TNC: variants seen among roughly 807,000 people sequenced by gnomAD.
TNC encodes tenascin.
A neutral mutation model predicts 202.4 loss-of-function variants in TNC; 109 were observed. The ratio of observed to expected loss-of-function variants is 0.54; its 90% CI spans 0.46 to 0.63. The LOEUF (loss-of-function observed/expected upper bound fraction) is 0.63. TNC is among the 30% of genes least tolerant of loss of function. The pLI, the probability that TNC is intolerant of heterozygous loss-of-function variation, is 0.00. For synonymous variants in TNC, 1,007 were observed against 1,089.7 expected, an observed-to-expected ratio of 0.92 and a Z score of 1.50; for missense variants, 2,756 against 2,833.3, an observed-to-expected ratio of 0.97 and a Z score of 0.62.
intron 27 of TNC, among the ~76,000 whole-genome samples, chr9:115,023,119 TGG>T: frequency 6.6e-6 from 1 of 152,130 alleles, no homozygotes; most frequent in African/African-American, 2.4e-5. Context: ...AAGTGGAATT[TGG>T]CCCTTTGCAT....
intron 2 of TNC, among the ~76,000 whole-genome samples, chr9:115,087,814 G>T (rs1179402650): frequency 2.0e-5 from 3 of 148,804 alleles, no homozygotes; most frequent in South Asian, 2.1e-4. Context: ...CCATTCTCCT[G>T]CCTCAGCCTC....
chr9:115,045,704 CTTT>C (rs925489336), intron 17 of TNC, among the ~76,000 whole-genome samples: 2 of 145,624 alleles, frequency 1.4e-5, no homozygotes, highest in African/African-American at 5.0e-5. Flanking sequence ...TATTAACCAT[CTTT>C]TTTTTTTTTC....
intron 1 of TNC, among the ~76,000 whole-genome samples, chr9:115,109,069 A>G (rs1255824244): frequency 6.6e-6 from 1 of 152,196 alleles, no homozygotes; most frequent in African/African-American, 2.4e-5. Flanking sequence ...TGAGCTGTGC[A>G]TTTCCAAGAA....
At chr9:115,073,951 G>T in intron 9 of TNC, 85 bp from the exon 10 acceptor site, 1 of 1,408,294 alleles carries the variant, frequency 7.1e-7, no homozygotes, top group Non-Finnish European at 9.6e-7. Flanking sequence ...CATCTGGGCT[G>T]GAATCCTAGG....
chr9:115,114,072 T>C (rs1232253644), intron 1 of TNC, among the ~76,000 whole-genome samples: 2 of 152,220 alleles, frequency 1.3e-5, no homozygotes, highest in African/African-American at 2.4e-5. Flanking sequence ...ACCATCTCTG[T>C]CTTTTACATT....
In TNC at chr9:115,021,142, A is replaced by C. The variant is rs1402685396; in HGVS notation, c.*15T>G. On this transcript the variant is annotated 3_prime_UTR_variant, in exon 28 of 28. Coordinates refer to ENST00000350763, the MANE Select transcript of TNC (RefSeq NM_002160.4). Reference sequence around the variant, plus strand: ...TCTGGGCCTTATTCCTCTCTCACCCAGTGGTCCCTGGAATTTATGCCCGTT... The same window carrying C: ...TCTGGGCCTTATTCCTCTCTCACCCCGTGGTCCCTGGAATTTATGCCCGTT... 6.2e-7 allele frequency: 1 copy of C among 1,600,742 alleles called. No homozygotes were observed. The highest frequency in any genetic ancestry group is 8.6e-7 in the Non-Finnish European group (1 of 1,168,258).
At chr9:115,111,151 A>G (rs1382740149) in intron 1 of TNC, among the ~76,000 whole-genome samples, 2 of 152,130 alleles carry the variant, frequency 1.3e-5, no homozygotes, top group African/African-American at 2.4e-5. Flanking sequence ...TGTCATTGAT[A>G]AGAGGTTGCC....
rs35141770 is a variant in TNC at position 115,040,906 on chromosome 9, A to AAC, written c.5392+33_5392+34dup. On this transcript the variant is annotated intron_variant, in intron 19 of 27. Coordinates refer to ENST00000350763, the MANE Select transcript of TNC (RefSeq NM_002160.4). ...GCACAAGTGACCTCTGAAAAATAGT[A>AAC]ACACACACACACACACACAACCCCA... 0.046 allele frequency: 55,676 copies of AAC among 1,207,568 alleles called. 2 individuals carry two copies. Among genetic ancestry groups the AAC allele is most frequent in the South Asian group, 0.051 (3,501 of 69,088 alleles). 74.8% of individuals were successfully genotyped at this position (1,207,568 alleles called of 1,614,324 possible). A position where few individuals can be genotyped will look rare whatever the true frequency, so the allele number is the denominator to read the frequency against.
intron 21 of TNC, chr9:115,035,678 CCT>C (rs753195982): frequency 7.7e-5 from 20 of 260,526 alleles, no homozygotes; most frequent in Admixed American, 2.4e-4. Context: ...GAGGATGGTT[CCT>C]CTGTTTCCCT....
At chr9:115,025,055 G>A (rs12336431) in intron 26 of TNC, among the ~76,000 whole-genome samples, 22,443 of 152,162 alleles carry the variant, frequency 0.15, 1,782 homozygotes, top group Middle Eastern at 0.2. Context: ...TCCTGCAGAA[G>A]GCCTGGGTGC....
Position 115,041,147 on chromosome 9 carries a change from C to T in TNC, c.5249-63G>A, listed in dbSNP as rs527577871. On this transcript the variant is annotated intron_variant, in intron 18 of 27. Transcript: ENST00000350763. ...CTCACTGACACTTATTCACTGTTGC[C>T]CCCAAAAAGAGTGTATCTGATTTAG... 3,027 of 1,519,158 alleles carry T rather than the reference C, an allele frequency of 2.0e-3. 9 individuals are homozygous for T. Among genetic ancestry groups the T allele is most frequent in the Non-Finnish European group, 2.4e-3 (2,675 of 1,124,586 alleles). The allele number at this position is 1,519,158 out of a possible 1,614,324, so 94.1% of individuals were successfully genotyped here. A position where few individuals can be genotyped will look rare whatever the true frequency, so the allele number is the denominator to read the frequency against.
intron 14 of TNC, among the ~76,000 whole-genome samples, chr9:115,057,931 G>C (rs1832259708): frequency 6.6e-6 from 1 of 152,198 alleles, no homozygotes; most frequent in Non-Finnish European, 1.5e-5. Context: ...ACCTTCCCAA[G>C]GTGGTAACTT....
In TNC at chr9:115,020,543, C is replaced by T; in HGVS notation, c.*614G>A. On this transcript the variant is annotated 3_prime_UTR_variant, in exon 28 of 28. Coordinates refer to ENST00000350763, the MANE Select transcript of TNC (RefSeq NM_002160.4). ...AAGCAAAATAACAAACTCAAAAGTA[C>T]TTGTGCTTTTATTTAAAAAAAAAAT... is the stretch of plus-strand genomic sequence containing the variant. 4.5e-6 allele frequency: 1 copy of T among 222,438 alleles called. No individual in the cohort carries two copies. Among genetic ancestry groups the T allele is most frequent in the Non-Finnish European group, 8.9e-6 (1 of 112,782 alleles). The allele number at this position is 222,438 out of a possible 1,614,324, so 13.8% of individuals were successfully genotyped here.
At chr9:115,050,793 C>T (rs1164640148) in intron 15 of TNC, among the ~76,000 whole-genome samples, 1 of 152,094 alleles carries the variant, frequency 6.6e-6, no homozygotes, top group Non-Finnish European at 1.5e-5. Context: ...AGACAAGGCT[C>T]CCAGAAGTGC....
chr9:115,041,305 G>GCGGGGGT (rs1554794026), intron 18 of TNC, among the ~76,000 whole-genome samples: 1 of 106,082 alleles, frequency 9.4e-6, no homozygotes, highest in African/African-American at 3.2e-5. Flanking sequence ...AAAGCCAGGA[G>GCGGGGGT]GGGCGGGGGA....
rs757370102 is a variant in TNC at position 115,084,370 on chromosome 9, G to A, written c.1970C>T (p.Thr657Met). 1.4e-5 allele frequency: 23 copies of A among 1,614,166 alleles called. No homozygotes were observed. The highest frequency in any genetic ancestry group is 4.4e-5 in the South Asian group (4 of 91,074). Reference protein sequence around the residue: ...MRVTEYLVVYTPTHEGGLEMQ... With the variant: ...MRVTEYLVVYMPTHEGGLEMQ... ...TTCCAGACCACCCTCGTGGGTGGGC[G>A]TGTACACGACAAGGTACTCTGTGAC... The change falls in exon 4 of 28, where the codon ACG becomes ATG. Residue 657 changes from threonine (T) to methionine (M), a missense_variant. Physicochemically the swap from Thr to Met is moderately conservative, Grantham distance 81. Around this residue, in one of 2 missense-constraint regions of TNC, gnomAD observed 2,559 missense variants for 2,546.0 expected, o/e 1.01. Transcript: ENST00000350763.
intron 15 of TNC, chr9:115,052,966 T>C (rs1197827519): frequency 2.8e-6 from 2 of 702,674 alleles, no homozygotes; most frequent in Non-Finnish European, 2.6e-6. Context: ...TGTTGAAGCT[T>C]TTTGGAGTAA....
rs750372440 is a variant in TNC at position 115,064,738 on chromosome 9, C to T, written c.3396G>A (p.Pro1132=). 27 of 1,614,040 alleles carry T rather than the reference C, an allele frequency of 1.7e-5. No homozygotes were observed. The highest frequency in any genetic ancestry group is 9.9e-5 in the South Asian group (9 of 91,082). ...TATAAGGCGTAGCAGCCTTGAGGCC[C>T]GGTATGTCCACAGCCCGAAGGCTGC... ...VPGSLRAVDI[P]GLKAATPYTV... The change falls in exon 11 of 28, where the codon CCG becomes CCA. Residue 1132 remains proline (P), a synonymous_variant. Transcript: ENST00000350763.
chr9:115,041,315 A>AG (rs1830737472), intron 18 of TNC, among the ~76,000 whole-genome samples: 13 of 122,696 alleles, frequency 1.1e-4, no homozygotes, highest in East Asian at 2.3e-4. Flanking sequence ...GGGGCGGGGG[A>AG]AAACATGAAG....
Sources: allele counts gnomAD v4.1 joint callset (sites outside exome capture counted in the v4.1 genomes callset), GRCh38; gene constraint gnomAD v4.1.1; regional missense constraint gnomAD v4.1.1; transcripts MANE v1.5; gene names NCBI Gene and HGNC (gene_info 2026-07-23, HGNC 2026-07-21).